ROR1: variants seen among roughly 807,000 people sequenced by gnomAD.
ROR1 encodes the protein inactive tyrosine-protein kinase transmembrane receptor ROR1.
Under a neutral mutation model 78.8 loss-of-function variants are expected in ROR1, and 19 were observed. That is an observed-to-expected ratio of 0.24 (90% CI 0.17 to 0.35). The LOEUF is 0.35. Among genes scored for constraint, ROR1 ranks in the 10% least tolerant of loss-of-function variants. The pLI, the probability that ROR1 is intolerant of heterozygous loss-of-function variation, is 1.00. For synonymous variants in ROR1, 386 were observed against 433.6 expected (o/e 0.89, Z 1.36); for missense variants, 917 against 1,177.8 (o/e 0.78, Z 3.24).
intron 2 of ROR1, among the ~76,000 whole-genome samples, chr1:64,021,374 A>G (rs926060766): frequency 1.3e-5 from 2 of 152,214 alleles, no homozygotes. Context: ...ATGGAGTACC[A>G]GTCATGTGGC....
chr1:64,103,313 A>G (rs918362411), intron 4 of ROR1, among the ~76,000 whole-genome samples: 1 of 150,152 alleles, frequency 6.7e-6, no homozygotes, highest in Non-Finnish European at 1.5e-5. Flanking sequence ...GTATAATAAT[A>G]ATAAAATTTA....
At chr1:64,168,179 A>G (rs1453904968) in intron 8 of ROR1, among the ~76,000 whole-genome samples, 1 of 152,238 alleles carries the variant, frequency 6.6e-6, no homozygotes, top group Non-Finnish European at 1.5e-5. Context: ...TAGTGTGGTC[A>G]TTAGCAAGGC....
At chr1:63,806,673 C>T (rs1436457014) in intron 1 of ROR1, among the ~76,000 whole-genome samples, 2 of 152,064 alleles carry the variant, frequency 1.3e-5, no homozygotes, top group African/African-American at 4.8e-5. Context: ...TTGTTTTGGC[C>T]TCAAGGAAAC....
At chr1:63,820,373 GT>G (rs560841217) in intron 1 of ROR1, among the ~76,000 whole-genome samples, 652 of 152,332 alleles carry the variant, frequency 4.3e-3, no homozygotes, top group Middle Eastern at 0.01. Context: ...GTTCAGTAAG[GT>G]GGATTTTGGA....
rs370267241 is a variant in ROR1, at chr1:64,140,113, C to T, written c.615C>T (p.Ala205=). 6.2e-7 allele frequency: 1 copy of T among 1,610,544 alleles called. No homozygotes were observed. The highest frequency in any genetic ancestry group is 8.5e-7 in the Non-Finnish European group (1 of 1,177,120). ...QGEIENQITA[A]FTMIGTSSHL... is the part of the protein sequence containing the mutation. ...ATAATTGTGTTTGTTTTCCAGCTGC[C>T]TTCACTATGATTGGCACTTCCAGTC... The change falls in exon 6 of 9, where the codon GCC becomes GCT. Residue 205 remains alanine (A), a synonymous_variant. Transcript: ENST00000371079.
At chr1:64,083,317 T>C (rs923536308) in intron 4 of ROR1, among the ~76,000 whole-genome samples, 1 of 152,282 alleles carries the variant, frequency 6.6e-6, no homozygotes, top group Middle Eastern at 3.4e-3. Context: ...GACTGAGGTC[T>C]TGTATTTAGA....
intron 4 of ROR1, chr1:64,112,177 T>G (rs1648126398): frequency 1.3e-5 from 2 of 152,190 alleles, no homozygotes; most frequent in African/African-American, 4.8e-5. Flanking sequence ...TGAATTGGCC[T>G]GCATGTCATA....
intron 1 of ROR1, among the ~76,000 whole-genome samples, chr1:63,842,257 C>T (rs1569802228): frequency 9.2e-6 from 1 of 109,204 alleles, no homozygotes; most frequent in Non-Finnish European, 1.6e-5. Flanking sequence ...ATGAACTTGC[C>T]TGCCACAGTT....
In ROR1 at chr1:63,890,878, C is replaced by T. The variant is rs962447896; in HGVS notation, c.91+116370C>T. 6.6e-5 allele frequency among the ~76,000 whole-genome samples: 10 copies of T among 152,278 alleles called. No individual in the cohort carries two copies. The East Asian group carries it at 1.4e-3, about 21-fold the overall frequency. On this transcript the variant is annotated intron_variant, in intron 1 of 8. Transcript: ENST00000371079. ...CCAAATGTTGTCTACGGCCATACCACGCTGAACATGCCCGTTCTCATCCAA... is the reference window on the plus strand; with the variant it reads ...CCAAATGTTGTCTACGGCCATACCATGCTGAACATGCCCGTTCTCATCCAA...
At chr1:63,872,591 C>T (rs1645259170) in intron 1 of ROR1, among the ~76,000 whole-genome samples, 1 of 152,140 alleles carries the variant, frequency 6.6e-6, no homozygotes, top group East Asian at 1.9e-4. Context: ...AGTTGAATTC[C>T]TCTCAGATTT....
At chr1:64,089,972 C>T (rs1404179318) in intron 4 of ROR1, among the ~76,000 whole-genome samples, 1 of 152,020 alleles carries the variant, frequency 6.6e-6, no homozygotes, top group African/African-American at 2.4e-5. Context: ...TTGCCTGCCA[C>T]CATGTAAGAC....
At chr1:63,844,685 A>G (rs1186463253) in intron 1 of ROR1, among the ~76,000 whole-genome samples, 1 of 152,160 alleles carries the variant, frequency 6.6e-6, no homozygotes, top group Non-Finnish European at 1.5e-5. Flanking sequence ...GCCCTATAGG[A>G]GTCCAGTGTA....
chr1:64,132,998 A>G (rs1024679822), intron 4 of ROR1, among the ~76,000 whole-genome samples: 3 of 152,024 alleles, frequency 2.0e-5, no homozygotes, highest in Non-Finnish European at 2.9e-5. Flanking sequence ...TTCTAGTTCT[A>G]TTGGCCTGTC....
Position 63,774,330 on chromosome 1 carries a change from C to A in ROR1, c.-88C>A. ...GTCCTGCGAGCGCCAGCGGCCGGGA[C>A]GAGGCGGCCGGGAGCCCGGGAAGAG... On this transcript the variant is annotated 5_prime_UTR_variant, in exon 1 of 9. Coordinates refer to ENST00000371079, the MANE Select transcript of ROR1 (RefSeq NM_005012.4). The surrounding 1 kb of genome is among the most constrained non-coding windows in gnomAD (Gnocchi z 5.7). 2 of 835,812 alleles carry A rather than the reference C, an allele frequency of 2.4e-6. No homozygotes were observed. Among genetic ancestry groups the A allele is most frequent in the Non-Finnish European group, 3.3e-6 (2 of 605,806 alleles). The allele number at this position is 835,812 out of a possible 1,614,324, so 51.8% of individuals were successfully genotyped here.
At chr1:64,010,366 C>CTT (rs74685806) in intron 2 of ROR1, among the ~76,000 whole-genome samples, 1,892 of 141,968 alleles carry the variant, frequency 0.013, 43 homozygotes, top group African/African-American at 0.047. Context: ...TTCTATCTTA[C>CTT]TTTTTTTTTT....
intron 1 of ROR1, among the ~76,000 whole-genome samples, chr1:63,940,905 C>T (rs1330962152): frequency 2.6e-5 from 4 of 152,138 alleles, no homozygotes; most frequent in African/African-American, 4.8e-5. Flanking sequence ...GTACGTGATG[C>T]ACTGGGAAGG....
intron 7 of ROR1, among the ~76,000 whole-genome samples, chr1:64,158,733 G>T (rs891257973): frequency 6.6e-6 from 1 of 152,172 alleles, no homozygotes; most frequent in African/African-American, 2.4e-5. Context: ...ACCCACACAC[G>T]TACAAAGTCT....
At chr1:63,846,793 G>A (rs1032049521) in intron 1 of ROR1, among the ~76,000 whole-genome samples, 13 of 152,130 alleles carry the variant, frequency 8.5e-5, no homozygotes, top group African/African-American at 2.9e-4. Flanking sequence ...GTAACTCTGC[G>A]CTCTTATGTT....
chr1:63,925,785 T>G (rs1275205745), intron 1 of ROR1, among the ~76,000 whole-genome samples: 1 of 151,122 alleles, frequency 6.6e-6, no homozygotes. Context: ...CATTTTTTCA[T>G]GTGTTTTTTG....
Sources: gnomAD v4.1 joint callset for allele counts (sites outside exome capture counted in the v4.1 genomes callset) on GRCh38, gnomAD v4.1.1 for gene constraint, Gnocchi (gnomAD v3.1) non-coding constraint, MANE v1.5 for transcripts, NCBI Gene and HGNC (gene_info 2026-07-23, HGNC 2026-07-21) for gene names.